CLUAP1: variants seen among roughly 807,000 people sequenced by gnomAD.
The protein encoded by CLUAP1 is clusterin-associated protein 1.
In CLUAP1, 50 loss-of-function variants were observed where a neutral mutation model predicts 55.0. The ratio of observed to expected loss-of-function variants is 0.91; its 90% confidence interval spans 0.72 to 1.15. The LOEUF is 1.15. Ranked by LOEUF, CLUAP1 falls within the 50% of genes most tolerant of loss-of-function variation. CLUAP1 has a pLI of 0.00. For missense variants in CLUAP1, 530 were observed against 507.6 expected (o/e 1.04, Z -0.42); for synonymous variants, 195 against 175.4 (o/e 1.11, Z -0.88).
At chr16:3,517,875 A>G (rs1386327219) in intron 6 of CLUAP1, among the ~76,000 whole-genome samples, 1 of 152,204 alleles carries the variant, frequency 6.6e-6, no homozygotes, top group East Asian at 1.9e-4. Flanking sequence ...CTGAAAGTCA[A>G]GGAAAGCTGA....
chr16:3,515,676 C>A, intron 6 of CLUAP1, 85 bp downstream of exon 6: 1 of 894,970 alleles, frequency 1.1e-6, no homozygotes, highest in Non-Finnish European at 1.7e-6. Context: ...ACAGAACAAG[C>A]TAGGCTTAGT....
At chr16:3,536,028 G>A (rs1434362125) in intron 11 of CLUAP1, 94 bp from the exon 12 acceptor site, 1 of 1,461,948 alleles carries the variant, frequency 6.8e-7, no homozygotes, top group Non-Finnish European at 9.4e-7. Flanking sequence ...TTCACACAGG[G>A]ATGCTGCTAT....
In CLUAP1 at chr16:3,524,137, A is replaced by G. The variant is rs926394477; in HGVS notation, c.855+838A>G. Reference sequence around the variant, plus strand: ...AGCATAATGAGACCCTGTCTCTACAAAGAAGTAAAAATAAATTAGCTGGAC... The same window carrying G: ...AGCATAATGAGACCCTGTCTCTACAGAGAAGTAAAAATAAATTAGCTGGAC... On this transcript the variant is annotated intron_variant, in intron 8 of 11. Coordinates refer to ENST00000576634, the MANE Select transcript of CLUAP1 (RefSeq NM_015041.3). Among the ~76,000 whole-genome samples, 4 of 151,778 alleles carry G rather than the reference A, an allele frequency of 2.6e-5. No individual in the cohort carries two copies. The South Asian group carries it at 8.3e-4, about 32-fold the overall frequency.
intron 4 of CLUAP1, among the ~76,000 whole-genome samples, chr16:3,508,764 A>G (rs563205013): frequency 4.6e-5 from 7 of 152,188 alleles, no homozygotes; most frequent in African/African-American, 1.7e-4. Flanking sequence ...ACTGTGAACA[A>G]TAAGAGGTGT....
chr16:3,530,455 G>A, intron 9 of CLUAP1, 113 bp from the exon 10 acceptor site: 1 of 725,132 alleles, frequency 1.4e-6, no homozygotes, highest in Non-Finnish European at 2.4e-6. Context: ...TTAATTTCCT[G>A]GATAGAATAA....
At chr16:3,504,691 C>G (rs1421915302) in intron 1 of CLUAP1, 29 bp from the exon 2 acceptor site, 1 of 1,243,842 alleles carries the variant, frequency 8.0e-7, no homozygotes, top group Admixed American at 1.7e-5. Context: ...TGATGGGGAA[C>G]TGAATGAATT....
intron 9 of CLUAP1, among the ~76,000 whole-genome samples, chr16:3,528,639 A>T (rs560328754): frequency 5.3e-5 from 8 of 152,112 alleles, no homozygotes; most frequent in African/African-American, 1.9e-4. Flanking sequence ...CCGGGCCAGG[A>T]TGCTAAGACC....
chr16:3,513,584 C>T (rs1444938982), intron 5 of CLUAP1, among the ~76,000 whole-genome samples: 1 of 151,956 alleles, frequency 6.6e-6, no homozygotes, highest in African/African-American at 2.4e-5. Context: ...TGAGTAGCTG[C>T]AATTACAGAT....
At chr16:3,530,295 T>C (rs367942815) in intron 9 of CLUAP1, among the ~76,000 whole-genome samples, 93 of 152,224 alleles carry the variant, frequency 6.1e-4, no homozygotes, top group African/African-American at 2.1e-3. Context: ...ATAATAGCAA[T>C]TGACTTTAGT....
At chr16:3,496,242 G>C (rs1214106515), upstream of CLUAP1, 1 of 644,924 alleles carries the variant, frequency 1.6e-6, no homozygotes, top group African/African-American at 1.8e-5. Context: ...TAAAGGTTCG[G>C]CGCAAAGAGC....
intron 6 of CLUAP1, among the ~76,000 whole-genome samples, chr16:3,517,405 C>T (rs7187823): frequency 0.011 from 1,679 of 152,138 alleles, 43 homozygotes; most frequent in African/African-American, 0.038. Flanking sequence ...CTCCTGGGTT[C>T]GAGCAATTCT....
intron 9 of CLUAP1, among the ~76,000 whole-genome samples, chr16:3,528,003 G>A (rs2037980598): frequency 6.6e-6 from 1 of 152,162 alleles, no homozygotes; most frequent in African/African-American, 2.4e-5. Context: ...GGTCCCCCAA[G>A]CCCGGCTGTC....
intron 1 of CLUAP1, among the ~76,000 whole-genome samples, chr16:3,501,749 A>C (rs2037406912): frequency 6.6e-6 from 1 of 152,148 alleles, no homozygotes; most frequent in Non-Finnish European, 1.5e-5. Flanking sequence ...CAGCCTAGGC[A>C]ACAAGAGCGA....
At chr16:3,509,631 C>T (rs1396793327) in intron 4 of CLUAP1, among the ~76,000 whole-genome samples, 1 of 152,190 alleles carries the variant, frequency 6.6e-6, no homozygotes, top group Non-Finnish European at 1.5e-5. Flanking sequence ...GGCCTCAGAG[C>T]AGGAGACCTA....
intron 5 of CLUAP1, among the ~76,000 whole-genome samples, chr16:3,513,776 C>G (rs1197723849): frequency 6.6e-6 from 1 of 152,156 alleles, no homozygotes; most frequent in African/African-American, 2.4e-5. Flanking sequence ...TTAATCCTTA[C>G]CTGTAAAGAT....
At chr16:3,514,560 T>A (rs746249829) in intron 5 of CLUAP1, among the ~76,000 whole-genome samples, 1 of 152,196 alleles carries the variant, frequency 6.6e-6, no homozygotes, top group Non-Finnish European at 1.5e-5. Context: ...CTTACTTTGT[T>A]CAGGCTGCCG....
rs192551576 is a variant in CLUAP1 at position 3,537,175 on chromosome 16, C to T, written c.*904C>T. The T allele has an allele frequency of 2.7e-3, 406 of 152,252 alleles. 1 individual carries two copies. The highest frequency in any genetic ancestry group is 9.1e-3 in the African/African-American group (376 of 41,528). The allele number at this position is 152,252 out of a possible 1,614,324, so 9.4% of individuals were successfully genotyped here. A position where few individuals can be genotyped will look rare whatever the true frequency, so the allele number is the denominator to read the frequency against. ...CAACACAGGGACAAAGGCAGGTTTC[C>T]TGCAGCTCGCTACCTAAGTGTTTCT... On this transcript the variant is annotated 3_prime_UTR_variant, in exon 12 of 12. Transcript: ENST00000576634.
intron 9 of CLUAP1, among the ~76,000 whole-genome samples, chr16:3,528,013 C>T (rs1418012587): frequency 3.3e-5 from 5 of 152,198 alleles, no homozygotes; most frequent in African/African-American, 1.2e-4. Flanking sequence ...GCCCGGCTGT[C>T]TTTTCTTTTA....
intron 4 of CLUAP1, among the ~76,000 whole-genome samples, chr16:3,509,014 T>C (rs895731939): frequency 6.6e-6 from 1 of 151,956 alleles, no homozygotes; most frequent in African/African-American, 2.4e-5. Context: ...CCAAACACTT[T>C]GGGAGGCCGA....
Sources: gnomAD v4.1 joint callset for allele counts (sites outside exome capture counted in the v4.1 genomes callset) on GRCh38, gnomAD v4.1.1 for gene constraint, MANE v1.5 for transcripts, NCBI Gene and HGNC (gene_info 2026-07-23, HGNC 2026-07-21) for gene names.